The following CEP112 variants were observed in gnomAD, a reference collection of about 807,000 sequenced individuals.
CEP112 encodes the protein centrosomal protein of 112 kDa.
In CEP112, 127 loss-of-function variants were observed where a neutral mutation model predicts 153.0. The ratio of observed to expected loss-of-function variants is 0.83; its 90% CI spans 0.72 to 0.96. The LOEUF (loss-of-function observed/expected upper bound fraction) is 0.96. CEP112 is among the 40% of genes least tolerant of loss of function. CEP112 has a pLI of 0.00. For synonymous variants in CEP112, 358 were observed against 374.4 expected (o/e 0.96, Z 0.51); for missense variants, 1,089 against 1,101.2 (o/e 0.99, Z 0.16).
rs1265629260 is a variant in CEP112, at chr17:65,961,180, C to T, written c.1872+283G>A. On this transcript the variant is annotated intron_variant, in intron 18 of 26. Coordinates refer to ENST00000535342, the MANE Select transcript of CEP112 (RefSeq NM_001199165.4). Reference sequence around the variant, plus strand: ...CCCTGCTCTAAAGAAACTGATCAGTCATGGGATTTTTCTCTTAGGATTATC... The same window carrying T: ...CCCTGCTCTAAAGAAACTGATCAGTTATGGGATTTTTCTCTTAGGATTATC... 2.0e-5 allele frequency among the ~76,000 whole-genome samples: 3 copies of T among 152,128 alleles called. No individual in the cohort carries two copies. In the East Asian group the frequency reaches 5.8e-4, roughly 29 times the overall value.
intron 17 of CEP112, among the ~76,000 whole-genome samples, chr17:66,002,171 T>C (rs1161014271): frequency 6.6e-6 from 1 of 150,962 alleles, no homozygotes; most frequent in African/African-American, 2.4e-5. Context: ...ACTTGAGCTC[T>C]AAACCAAAGA....
intron 24 of CEP112, among the ~76,000 whole-genome samples, chr17:65,660,298 T>C (rs1179030850): frequency 7.1e-6 from 1 of 139,970 alleles, no homozygotes; most frequent in Non-Finnish European, 1.5e-5. Context: ...TCCCTCCTTC[T>C]CTTTTCTCTC....
chr17:65,711,477 T>C (rs116989099), intron 23 of CEP112, among the ~76,000 whole-genome samples: 182 of 152,324 alleles, frequency 1.2e-3, no homozygotes, highest in Admixed American at 2.8e-3. Flanking sequence ...AGATGTTAGT[T>C]GCTATTTTAT....
At chr17:65,875,859 T>C (rs1250302447) in intron 20 of CEP112, among the ~76,000 whole-genome samples, 1 of 152,218 alleles carries the variant, frequency 6.6e-6, no homozygotes, top group East Asian at 1.9e-4. Context: ...CTATGTTTCA[T>C]GTATAAACTG....
In CEP112 at chr17:65,743,115, C is replaced by T. The variant is rs549176943; in HGVS notation, c.2560G>A (p.Glu854Lys). 3 of 1,612,482 alleles carry T rather than the reference C, an allele frequency of 1.9e-6. No individual in the cohort carries two copies. The East Asian group carries it at 6.7e-5, about 36-fold the overall frequency. The part of the protein sequence containing the change: ...RRLQDVRQKF[E>K]DEKKQLIRDN... ...CTAATCAGCTGCTTCTTCTCATCTT[C>T]AAACTTTTGTCTAACATCCTGGAGC... The change falls in exon 23 of 27, where the codon GAA (glutamate) becomes AAA (lysine). Residue 854 changes from glutamate to lysine, a missense_variant. Transcript: ENST00000535342.
chr17:66,153,480 A>AAC (rs2071295547), intron 4 of CEP112, among the ~76,000 whole-genome samples: 1 of 151,966 alleles, frequency 6.6e-6, no homozygotes, highest in Admixed American at 6.6e-5. Flanking sequence ...AAAAAAAAAA[A>AAC]AAAAAAGATA....
intron 23 of CEP112, among the ~76,000 whole-genome samples, chr17:65,739,341 A>AG (rs1477712020): frequency 1.3e-5 from 2 of 152,262 alleles, no homozygotes; most frequent in South Asian, 4.1e-4. Context: ...TTCTTTTGAA[A>AG]GGTGTGACTT....
At chr17:65,791,614 AAATG>A (rs2145730424) in intron 21 of CEP112, among the ~76,000 whole-genome samples, 1 of 152,360 alleles carries the variant, frequency 6.6e-6, no homozygotes, top group Non-Finnish European at 1.5e-5. Flanking sequence ...TATTCTAAAT[AAATG>A]AATATCATCA....
chr17:66,094,453 T>C (rs951538232), intron 8 of CEP112, among the ~76,000 whole-genome samples: 7 of 151,942 alleles, frequency 4.6e-5, no homozygotes, highest in African/African-American at 1.5e-4. Flanking sequence ...ATATCCAACA[T>C]GCAGAAGAAT....
At chr17:65,922,053 A>T (rs540108153) in intron 19 of CEP112, among the ~76,000 whole-genome samples, 10 of 152,292 alleles carry the variant, frequency 6.6e-5, no homozygotes, top group Admixed American at 1.3e-4. Context: ...CTCTTGGTAG[A>T]ATCTGCCAAA....
intron 19 of CEP112, among the ~76,000 whole-genome samples, chr17:65,922,301 T>A (rs1599023316): frequency 6.6e-6 from 1 of 152,148 alleles, no homozygotes; most frequent in East Asian, 1.9e-4. Context: ...CTAATTACTA[T>A]ATTTAATCTG....
intron 4 of CEP112, among the ~76,000 whole-genome samples, chr17:66,173,902 T>C (rs2072350194): frequency 6.6e-6 from 1 of 152,140 alleles, no homozygotes; most frequent in Admixed American, 6.5e-5. Flanking sequence ...TAATTTTATA[T>C]GGACTGGATC....
chr17:65,890,164 A>C (rs1269218406), intron 20 of CEP112, among the ~76,000 whole-genome samples: 1 of 152,174 alleles, frequency 6.6e-6, no homozygotes, highest in East Asian at 1.9e-4. Flanking sequence ...ACTTGGGAGA[A>C]CACTGCTCTA....
intron 18 of CEP112, among the ~76,000 whole-genome samples, chr17:65,943,529 TA>T (rs1265890395): frequency 6.6e-6 from 1 of 152,224 alleles, no homozygotes; most frequent in African/African-American, 2.4e-5. Flanking sequence ...GAATGTTGAA[TA>T]TTGGCCGCCA....
intron 18 of CEP112, among the ~76,000 whole-genome samples, chr17:65,942,415 T>G (rs892400299): frequency 6.6e-6 from 1 of 152,154 alleles, no homozygotes; most frequent in African/African-American, 2.4e-5. Flanking sequence ...TTTTCCCTTA[T>G]GTTACAAAAA....
intron 21 of CEP112, among the ~76,000 whole-genome samples, chr17:65,845,927 G>A (rs1286744497): frequency 6.6e-6 from 1 of 152,154 alleles, no homozygotes; most frequent in Non-Finnish European, 1.5e-5. Context: ...CTAAATTGCT[G>A]CTGACAGAAA....
At chr17:66,017,699 A>T (rs2064829556) in intron 16 of CEP112, among the ~76,000 whole-genome samples, 1 of 150,166 alleles carries the variant, frequency 6.7e-6, no homozygotes. Context: ...TTGGTGGGTT[A>T]AAAAAAAAAT....
Position 66,132,687 on chromosome 17 carries a change from T to C in CEP112, c.547A>G (p.Ile183Val). 3.1e-6 allele frequency: 5 copies of C among 1,612,568 alleles called. No individual in the cohort carries two copies. The highest frequency in any genetic ancestry group is 4.2e-6 in the Non-Finnish European group (5 of 1,178,590). Reference sequence around the variant, plus strand: ...AATCTTACACAAATCTTTGGGGTAATATTTTGTCCATCTTCTCTGTGAGTT... The same window carrying C: ...AATCTTACACAAATCTTTGGGGTAACATTTTGTCCATCTTCTCTGTGAGTT... The part of the protein sequence containing the change: ...SPTHREDGQN[I>V]TPKICEVYSK... Residue 183 changes from isoleucine (I) to valine (V), a missense_variant, in exon 5 of 27, where the codon ATT becomes GTT. Transcript: ENST00000535342.
At chr17:66,141,079 T>A (rs970593265) in intron 4 of CEP112, among the ~76,000 whole-genome samples, 8 of 152,176 alleles carry the variant, frequency 5.3e-5, no homozygotes, top group Non-Finnish European at 1.0e-4. Flanking sequence ...GGATTTTGAA[T>A]CTATATTCTT....
Sources: allele counts gnomAD v4.1 joint callset (sites outside exome capture counted in the v4.1 genomes callset), GRCh38; gene constraint gnomAD v4.1.1; transcripts MANE v1.5; gene names NCBI Gene and HGNC (gene_info 2026-07-23, HGNC 2026-07-21).